XRN2: variants seen among roughly 807,000 people sequenced by gnomAD.
The protein encoded by XRN2 is DHM1-like protein.
In XRN2, 44 loss-of-function variants were observed where a neutral mutation model predicts 138.5. The observed-to-expected ratio is 0.32, with a 90% CI of 0.25 to 0.41. The LOEUF is 0.41. Among genes scored for constraint, XRN2 ranks in the 10% least tolerant of loss-of-function variants. The pLI is 1.00. For synonymous variants in XRN2, 354 were observed against 369.4 expected (o/e 0.96, Z 0.48); for missense variants, 937 against 1,169.3 (o/e 0.80, Z 2.90).
intron 28 of XRN2, among the ~76,000 whole-genome samples, chr20:21,382,916 C>T (rs2038900940): frequency 6.6e-6 from 1 of 152,184 alleles, no homozygotes; most frequent in South Asian, 2.1e-4. Context: ...ATAAGGCTTT[C>T]TTTTTTGCCT....
chr20:21,381,323 A>G (rs2038880673), intron 27 of XRN2, among the ~76,000 whole-genome samples: 1 of 152,222 alleles, frequency 6.6e-6, no homozygotes, highest in African/African-American at 2.4e-5. Context: ...GTTCGCTGAT[A>G]TAGACAGGCC....
intron 1 of XRN2, among the ~76,000 whole-genome samples, chr20:21,309,360 T>C (rs1177588573): frequency 1.3e-5 from 2 of 152,190 alleles, no homozygotes; most frequent in Non-Finnish European, 2.9e-5. Context: ...TACCTATTTA[T>C]TTATTTATTT....
chr20:21,338,086 G>C (rs1348521754), intron 13 of XRN2, among the ~76,000 whole-genome samples: 1 of 152,146 alleles, frequency 6.6e-6, no homozygotes. Flanking sequence ...CTTTTTGCCT[G>C]GCAGAAAGCA....
intron 22 of XRN2, among the ~76,000 whole-genome samples, 175 bp from the exon 23 acceptor site, chr20:21,356,411 A>G (rs2038576534): frequency 6.6e-6 from 1 of 152,086 alleles, no homozygotes; most frequent in Non-Finnish European, 1.5e-5. Flanking sequence ...ATACCTTTTT[A>G]TGGCTGAATA....
chr20:21,332,538 T>A, intron 9 of XRN2, 98 bp downstream of exon 9: 1 of 1,187,840 alleles, frequency 8.4e-7, no homozygotes, highest in Non-Finnish European at 1.1e-6. Context: ...TTTTAAAGTA[T>A]ACAATTAAAT....
At chr20:21,331,439 C>CACA in intron 6 of XRN2, 122 bp from the exon 7 acceptor site, 6 of 574,088 alleles carry the variant, frequency 1.0e-5, no homozygotes, top group African/African-American at 2.2e-5. Context: ...ACACACACAC[C>CACA]CTTATTCAGA....
At position 21,360,253 on chromosome 20, in the gene XRN2, A is replaced by G. The variant is rs371636586; in HGVS notation, c.2255+2461A>G. Reference sequence around the variant, plus strand: ...GCCCTGGCCCTGTGCTTGAACCCCCAGGTCCTCAGGATGCTTCCTTCCTGC... The same window carrying G: ...GCCCTGGCCCTGTGCTTGAACCCCCGGGTCCTCAGGATGCTTCCTTCCTGC... On this transcript the variant is annotated intron_variant, in intron 24 of 29. Transcript: ENST00000377191. 1.3e-4 allele frequency among the ~76,000 whole-genome samples: 20 copies of G among 152,208 alleles called. No individual in the cohort carries two copies. The East Asian group carries it at 1.9e-3, about 15-fold the overall frequency.
chr20:21,315,200 A>T (rs764311841), intron 1 of XRN2, among the ~76,000 whole-genome samples: 12 of 152,230 alleles, frequency 7.9e-5, no homozygotes, highest in Non-Finnish European at 1.8e-4. Context: ...ATTTTCAGGC[A>T]GTTCTTCCCT....
intron 26 of XRN2, among the ~76,000 whole-genome samples, chr20:21,365,975 G>A (rs2038693404): frequency 9.9e-6 from 1 of 101,142 alleles, no homozygotes; most frequent in Non-Finnish European, 1.9e-5. Flanking sequence ...GTGAGCCACC[G>A]TGCCCGGCCG....
intron 1 of XRN2, among the ~76,000 whole-genome samples, chr20:21,304,798 A>G (rs113746722): frequency 1.4e-3 from 210 of 152,222 alleles, no homozygotes; most frequent in East Asian, 3.1e-3. Context: ...CCTTGACTCA[A>G]TGCTTTCTAA....
At chr20:21,313,997 A>G (rs1341326207) in intron 1 of XRN2, among the ~76,000 whole-genome samples, 1 of 152,240 alleles carries the variant, frequency 6.6e-6, no homozygotes, top group Non-Finnish European at 1.5e-5. Context: ...TATTTTCACA[A>G]ATGTGTGCAT....
intron 1 of XRN2, among the ~76,000 whole-genome samples, chr20:21,320,193 G>T (rs1197676760): frequency 3.3e-5 from 5 of 151,920 alleles, no homozygotes; most frequent in Admixed American, 2.6e-4. Flanking sequence ...GGTTGACAGG[G>T]TTCTTTTGTT....
chr20:21,309,300 G>C (rs765886065), intron 1 of XRN2, among the ~76,000 whole-genome samples: 18 of 152,164 alleles, frequency 1.2e-4, no homozygotes, highest in Non-Finnish European at 2.4e-4. Context: ...TTGTGGGAAG[G>C]CTTTAAGCTG....
rs35744170 is a variant in XRN2 at position 21,357,110 on chromosome 20, A to C, written c.2198+445A>C. Among the ~76,000 whole-genome samples the C allele has an allele frequency of 6.3e-3, 913 of 144,294 alleles. 6 individuals are homozygous for C. The highest frequency in any genetic ancestry group is 0.011 in the Non-Finnish European group (737 of 66,240). 94.7% of individuals were successfully genotyped at this position (144,294 alleles called of 152,430 possible). On this transcript the variant is annotated intron_variant, in intron 23 of 29. Transcript: ENST00000377191. ...GCTTTGTAAAAAAATAGCTTTTTAT[A>C]AGAATGTTATTTATGTTAACATGTA...
intron 2 of XRN2, 27 bp from the exon 3 acceptor site, chr20:21,326,463 T>A: frequency 6.2e-7 from 1 of 1,613,862 alleles, no homozygotes; most frequent in Non-Finnish European, 8.5e-7. Flanking sequence ...CATTATATTA[T>A]ATTACATTGT....
intron 24 of XRN2, among the ~76,000 whole-genome samples, chr20:21,359,429 A>C (rs930160376): frequency 2.6e-5 from 4 of 151,740 alleles, no homozygotes; most frequent in Non-Finnish European, 5.9e-5. Flanking sequence ...CCAGCTACTC[A>C]GGAGGCTGAG....
chr20:21,341,651 T>TA (rs1309154715), intron 15 of XRN2, among the ~76,000 whole-genome samples: 1 of 152,198 alleles, frequency 6.6e-6, no homozygotes, highest in Non-Finnish European at 1.5e-5. Flanking sequence ...GGAAGGAACA[T>TA]ACACTTTTGC....
intron 1 of XRN2, among the ~76,000 whole-genome samples, chr20:21,318,108 T>G (rs2037985071): frequency 6.6e-6 from 1 of 152,230 alleles, no homozygotes; most frequent in Admixed American, 6.5e-5. Flanking sequence ...TAACTTGTTA[T>G]GGGTTTATGC....
chr20:21,306,323 C>T (rs2037814459), intron 1 of XRN2, among the ~76,000 whole-genome samples: 1 of 74,088 alleles, frequency 1.3e-5, no homozygotes, highest in African/African-American at 3.7e-5. Context: ...TTAGTAGAGA[C>T]GGAGTTTCAC....
Sources: allele counts gnomAD v4.1 joint callset (sites outside exome capture counted in the v4.1 genomes callset), GRCh38; gene constraint gnomAD v4.1.1; transcripts MANE v1.5; gene names NCBI Gene and HGNC (gene_info 2026-07-23, HGNC 2026-07-21).